LINGO2: variants seen among roughly 807,000 people sequenced by gnomAD.
LINGO2 encodes the protein leucine rich repeat and Ig domain containing 2, also known as leucine-rich repeat and immunoglobulin-like domain-containing nogo receptor-interacting protein 2.
Under a neutral mutation model 30.6 loss-of-function variants are expected in LINGO2, and 14 were observed. That is an observed-to-expected ratio of 0.46 (90% CI 0.30 to 0.72). The LOEUF (loss-of-function observed/expected upper bound fraction) is 0.72. Among genes scored for constraint, LINGO2 ranks in the 30% least tolerant of loss-of-function variants. The pLI is 0.07. For synonymous variants in LINGO2, 317 were observed against 288.5 expected (o/e 1.10, Z -1.00); for missense variants, 729 against 751.7 (o/e 0.97, Z 0.35).
the LINGO2 span, among the ~76,000 whole-genome samples, chr9:28,867,498 G>A: frequency 0.016 from 2,326 of 149,104 alleles, 39 homozygotes; most frequent in South Asian, 0.074. Context: ...AAAAAAAAAA[G>A]AAGACAAACT....
intron 4 of LINGO2, among the ~76,000 whole-genome samples, chr9:28,183,107 T>C (rs1354773435): frequency 1.3e-5 from 2 of 152,234 alleles, no homozygotes; most frequent in East Asian, 3.9e-4. Flanking sequence ...ATACACACCA[T>C]AGAATACTGT....
intron 1 of LINGO2, among the ~76,000 whole-genome samples, chr9:28,644,109 A>T (rs1323767395): frequency 1.3e-5 from 2 of 152,076 alleles, no homozygotes; most frequent in South Asian, 4.1e-4. Flanking sequence ...CACAATCACT[A>T]TGGATAGTTT....
chr9:28,919,286 T>TATG, the LINGO2 span, among the ~76,000 whole-genome samples: 1 of 152,190 alleles, frequency 6.6e-6, no homozygotes, highest in East Asian at 1.9e-4. Flanking sequence ...CATGAATCCG[T>TATG]ATGATGATGA....
chr9:28,363,215 G>A (rs1820523870), intron 3 of LINGO2, among the ~76,000 whole-genome samples: 1 of 152,292 alleles, frequency 6.6e-6, no homozygotes, highest in South Asian at 2.1e-4. Flanking sequence ...AGCCCAGATT[G>A]TTTGTCTCCA....
At chr9:28,206,314 T>C (rs1396642559) in intron 4 of LINGO2, among the ~76,000 whole-genome samples, 1 of 152,118 alleles carries the variant, frequency 6.6e-6, no homozygotes, top group Non-Finnish European at 1.5e-5. Context: ...CACATTTTCT[T>C]AGCACTCATC....
the LINGO2 span, among the ~76,000 whole-genome samples, chr9:29,120,656 T>A: frequency 6.6e-6 from 1 of 152,174 alleles, no homozygotes; most frequent in African/African-American, 2.4e-5. Flanking sequence ...TTTTGCACCC[T>A]GACACTGAAA....
At chr9:28,305,407 G>A (rs985920180) in intron 3 of LINGO2, among the ~76,000 whole-genome samples, 1 of 151,902 alleles carries the variant, frequency 6.6e-6, no homozygotes, top group African/African-American at 2.4e-5. Context: ...ATCCAAATTA[G>A]AAAGAAAAAT....
intron 5 of LINGO2, among the ~76,000 whole-genome samples, chr9:27,953,295 T>C (rs1213333664): frequency 1.3e-5 from 2 of 152,178 alleles, no homozygotes; most frequent in African/African-American, 4.8e-5. Flanking sequence ...TCTAGAAATG[T>C]ATCATTAGAA....
intron 3 of LINGO2, among the ~76,000 whole-genome samples, chr9:28,331,544 C>T (rs916169750): frequency 6.6e-6 from 1 of 152,136 alleles, no homozygotes; most frequent in Non-Finnish European, 1.5e-5. Context: ...CTCACTCTGT[C>T]ACCCAGGCTA....
chr9:29,080,077 A>G, the LINGO2 span, among the ~76,000 whole-genome samples: 1 of 152,018 alleles, frequency 6.6e-6, no homozygotes, highest in Admixed American at 6.6e-5. Flanking sequence ...CTGGTCCTGG[A>G]CTTTTTTTGG....
At chr9:29,045,798 T>G in the LINGO2 span, among the ~76,000 whole-genome samples, 1 of 152,158 alleles carries the variant, frequency 6.6e-6, no homozygotes, top group Non-Finnish European at 1.5e-5. Flanking sequence ...TTCTGTTTGT[T>G]TTTGTTTTCT....
At chr9:28,177,813 T>C (rs555907598) in intron 4 of LINGO2, among the ~76,000 whole-genome samples, 2 of 152,310 alleles carry the variant, frequency 1.3e-5, no homozygotes, top group South Asian at 2.1e-4. Context: ...CCCCATTTTA[T>C]AGATGAGGAA....
chr9:29,189,432 G>A, the LINGO2 span, among the ~76,000 whole-genome samples: 2 of 150,968 alleles, frequency 1.3e-5, no homozygotes, highest in Admixed American at 6.6e-5. Flanking sequence ...GCCGGGCAGA[G>A]ACGCTCCTCA....
the LINGO2 span, among the ~76,000 whole-genome samples, chr9:29,056,837 A>C: frequency 6.6e-6 from 1 of 152,040 alleles, no homozygotes. Context: ...CCATTTGTTG[A>C]ATAAGGTGTT....
the LINGO2 span, among the ~76,000 whole-genome samples, chr9:29,174,987 G>A: frequency 6.6e-6 from 1 of 152,172 alleles, no homozygotes; most frequent in Non-Finnish European, 1.5e-5. Flanking sequence ...TGGGCTGGGT[G>A]CAGTGGCTCA....
rs970379827 is a variant in LINGO2, at chr9:28,479,879, G to A, written c.-364-3854C>T. On this transcript the variant is annotated intron_variant, in intron 1 of 5. Coordinates refer to ENST00000379992, the Ensembl canonical transcript of LINGO2. ...TGTGTGTGTGTGTGTGTGTGTGTGT[G>A]TGTGTATGTGTGTATGTGTATATAT... Among the ~76,000 whole-genome samples, 216 of 124,398 alleles carry A rather than the reference G, an allele frequency of 1.7e-3. 3 individuals carry two copies. Among genetic ancestry groups the A allele is most frequent in the African/African-American group, 5.6e-3 (187 of 33,384 alleles). 81.6% of individuals were successfully genotyped at this position (124,398 alleles called of 152,430 possible).
At chr9:28,230,637 A>G (rs1382707797) in intron 4 of LINGO2, among the ~76,000 whole-genome samples, 7 of 151,984 alleles carry the variant, frequency 4.6e-5, no homozygotes, top group South Asian at 2.1e-4. Context: ...TTGATTTTAC[A>G]TTGTTGAAAA....
At chr9:28,837,657 TA>T in the LINGO2 span, among the ~76,000 whole-genome samples, 6 of 103,364 alleles carry the variant, frequency 5.8e-5, no homozygotes, top group Admixed American at 1.0e-4. Flanking sequence ...AAAATATATA[TA>T]TACATATATA....
intron 5 of LINGO2, among the ~76,000 whole-genome samples, chr9:28,007,774 C>T (rs1822339722): frequency 6.6e-6 from 1 of 152,078 alleles, no homozygotes; most frequent in Non-Finnish European, 1.5e-5. Flanking sequence ...ATGGCAAACA[C>T]ACCAATTTTT....
Sources: allele counts gnomAD v4.1 joint callset (sites outside exome capture counted in the v4.1 genomes callset), GRCh38; gene constraint gnomAD v4.1.1; transcripts MANE v1.5; gene names NCBI Gene and HGNC (gene_info 2026-07-23, HGNC 2026-07-21).